PMEL: variants seen among roughly 807,000 people sequenced by gnomAD.
The protein encoded by PMEL is premelanosome protein.
In PMEL, 53 loss-of-function variants were observed where a neutral mutation model predicts 64.9. The observed-to-expected ratio is 0.82, with a 90% CI of 0.66 to 1.03. PMEL has a LOEUF of 1.03. PMEL is among the 50% of genes least tolerant of loss of function. The pLI is 0.00. For missense variants in PMEL, 716 were observed against 814.9 expected, an observed-to-expected ratio of 0.88 and a Z score of 1.48; for synonymous variants, 299 against 316.2, an observed-to-expected ratio of 0.95 and a Z score of 0.58.
At chr12:55,966,558 GA>G (rs1403855324), upstream of PMEL, 1 of 450,080 alleles carries the variant, frequency 2.2e-6, no homozygotes, top group Non-Finnish European at 3.0e-6. Flanking sequence ...TAGAAATCAA[GA>G]AATCCCTACA....
intron 3 of PMEL, among the ~76,000 whole-genome samples, chr12:55,960,577 C>T (rs61627157): frequency 8.0e-6 from 1 of 124,420 alleles, no homozygotes; most frequent in African/African-American, 3.2e-5. Context: ...GAGTCTCGCT[C>T]TGTCGCCCAG....
At chr12:55,954,439 A>G in intron 10 of PMEL, 90 bp from the exon 11 acceptor site, 1 of 1,369,634 alleles carries the variant, frequency 7.3e-7, no homozygotes, top group South Asian at 1.2e-5. Context: ...CCCATATCCC[A>G]GTCTGCTTAG....
At chr12:55,955,925 G>T in intron 7 of PMEL, 62 bp from the exon 8 acceptor site, 1 of 1,448,334 alleles carries the variant, frequency 6.9e-7, no homozygotes, top group Non-Finnish European at 9.7e-7. Flanking sequence ...AAAGCCCAGA[G>T]ACAGAAAAGC....
In PMEL at chr12:55,956,092, G is replaced by T. The variant is rs1388024850; in HGVS notation, c.1471+11C>A. On this transcript the variant is annotated intron_variant, in intron 7 of 10. Transcript: ENST00000548747. ...CTGCCTCCATCAGCCACCAAAGTAG[G>T]CAAGACTCACGGACAATGTCCAGGG... The T allele has an allele frequency of 1.9e-6, 3 of 1,583,136 alleles. No individual in the cohort carries two copies. The highest frequency in any genetic ancestry group is 2.6e-6 in the Non-Finnish European group (3 of 1,151,868).
chr12:55,955,447 CTT>C lies in PMEL; in HGVS notation c.1762+15_1762+16del. 6.2e-7 allele frequency: 1 copy of C among 1,613,832 alleles called. No individual in the cohort carries two copies. Among genetic ancestry groups the C allele is most frequent in the East Asian group, 2.2e-5 (1 of 44,886 alleles). ...ATCCACTCCCTTCCTCATCTTAGCT[CTT>C]GTCCAAGGACCTACCAGGCATGATA... On this transcript the variant is annotated intron_variant, in intron 9 of 10. Coordinates refer to ENST00000548747, the MANE Select transcript of PMEL (RefSeq NM_001384361.1).
intron 3 of PMEL, among the ~76,000 whole-genome samples, chr12:55,959,122 G>A (rs1215732936): frequency 6.6e-6 from 1 of 150,456 alleles, no homozygotes; most frequent in Non-Finnish European, 1.5e-5. Flanking sequence ...GCTCATGGCT[G>A]TAAACCCAGC....
In PMEL at chr12:55,963,639, GC is replaced by G. The variant is rs575593553; in HGVS notation, c.77-1908del. ...TATAAGTACAGTCTTTTTGTTAAGA[GC>G]CTTAGGTGGGTGGGTGTGAACAGAC... On this transcript the variant is annotated intron_variant, in intron 1 of 10. Coordinates refer to ENST00000548747, the MANE Select transcript of PMEL (RefSeq NM_001384361.1). 4.4e-3 allele frequency among the ~76,000 whole-genome samples: 666 copies of G among 152,306 alleles called. 3 individuals carry two copies. Among genetic ancestry groups the G allele is most frequent in the Non-Finnish European group, 7.4e-3 (505 of 68,032 alleles).
chr12:55,956,255 A>G, intron 6 of PMEL, 36 bp from the exon 7 acceptor site: 1 of 1,361,800 alleles, frequency 7.3e-7, no homozygotes, highest in Non-Finnish European at 1.0e-6. Flanking sequence ...AGATCAAGAG[A>G]CAGATGACTC....
rs565494787 is a variant in PMEL at position 55,964,815 on chromosome 12, G to A, written c.76+1121C>T. 1.5e-3 allele frequency among the ~76,000 whole-genome samples: 226 copies of A among 151,362 alleles called. 1 individual carries two copies. Among genetic ancestry groups the A allele is most frequent in the African/African-American group, 5.2e-3 (214 of 41,174 alleles). On this transcript the variant is annotated intron_variant, in intron 1 of 10. Coordinates refer to ENST00000548747, the MANE Select transcript of PMEL (RefSeq NM_001384361.1). ...TAATTTTTGTATTTTTAGTAGAGATGGAGTTTCACCATATTGGCCAGGCTG... is the reference window on the plus strand; with the variant it reads ...TAATTTTTGTATTTTTAGTAGAGATAGAGTTTCACCATATTGGCCAGGCTG...
Position 55,954,348 on chromosome 12 carries a change from G to A in PMEL, c.1852C>T (p.Arg618Cys), listed in dbSNP as rs149844549. The A allele has an allele frequency of 7.4e-6, 12 of 1,613,900 alleles. No homozygotes were observed. Among genetic ancestry groups the A allele is most frequent in the Middle Eastern group, 1.6e-4 (1 of 6,082 alleles). Reference protein sequence around the residue: ...AVVLASLIYRRRLMKQDFSVP... With the variant: ...AVVLASLIYRCRLMKQDFSVP... ...GAGAAGTCTTGCTTCATAAGTCTGC[G>A]CCTGATATTGGGAGAAGGGGTAAAC... Residue 618 changes from arginine to cysteine, a missense_variant and splice_region_variant, in exon 11 of 11, where the codon CGC (arginine) becomes TGC (cysteine). Coordinates refer to ENST00000548747, the MANE Select transcript of PMEL (RefSeq NM_001384361.1).
chr12:55,956,725 A>G (rs918419142), intron 6 of PMEL, among the ~76,000 whole-genome samples: 1 of 152,172 alleles, frequency 6.6e-6, no homozygotes, highest in African/African-American at 2.4e-5. Context: ...GAAAGCAACA[A>G]GCTCTTTCCT....
At chr12:55,961,556 G>C (rs1461484080) in intron 2 of PMEL, 66 bp downstream of exon 2, 11 of 1,593,994 alleles carry the variant, frequency 6.9e-6, no homozygotes, top group Non-Finnish European at 9.5e-6. Flanking sequence ...ACTCGATGCA[G>C]TTCAGCTTGC....
At chr12:55,959,021 C>A (rs182768700) in intron 3 of PMEL, among the ~76,000 whole-genome samples, 1 of 151,034 alleles carries the variant, frequency 6.6e-6, no homozygotes, top group Non-Finnish European at 1.5e-5. Flanking sequence ...CTTAAGCAAT[C>A]CTCCCACCTC....
chr12:55,954,619 C>T (rs1888775717), intron 10 of PMEL, among the ~76,000 whole-genome samples: 1 of 152,160 alleles, frequency 6.6e-6, no homozygotes, highest in Non-Finnish European at 1.5e-5. Context: ...ACTCAGTTCA[C>T]CCCAGGCCAG....
intron 1 of PMEL, among the ~76,000 whole-genome samples, chr12:55,962,516 CTTTTTTTTTTTT>C (rs1161956723): frequency 2.7e-5 from 2 of 73,166 alleles, no homozygotes; most frequent in Admixed American, 2.0e-4. Context: ...TATTATTACT[CTTTTTTTTTTTT>C]TTTTTTTTTT....
chr12:55,965,805 T>G (rs917190527), intron 1 of PMEL, 131 bp downstream of exon 1: 1 of 1,124,570 alleles, frequency 8.9e-7, no homozygotes, highest in African/African-American at 1.5e-5. Flanking sequence ...GGTGCCCACA[T>G]CCTCACTAAA....
chr12:55,956,801 G>T, intron 6 of PMEL, 148 bp downstream of exon 6: 1 of 778,812 alleles, frequency 1.3e-6, no homozygotes, highest in Non-Finnish European at 2.1e-6. Flanking sequence ...AAGAGAGACT[G>T]GAGGGCTTTA....
Position 55,961,797 on chromosome 12 carries a change from A to C in PMEL, c.77-65T>G. ...AGTTCCTTCTCAGGGATAACACTCTATTCATGTCACTCCATTCATTCTCAC... is the reference window on the plus strand; with the variant it reads ...AGTTCCTTCTCAGGGATAACACTCTCTTCATGTCACTCCATTCATTCTCAC... On this transcript the variant is annotated intron_variant, in intron 1 of 10. Transcript: ENST00000548747. 7 of 945,914 alleles carry C rather than the reference A, an allele frequency of 7.4e-6. 1 individual carries two copies. In the South Asian group the frequency reaches 8.1e-5, roughly 11 times the overall value. The allele number at this position is 945,914 out of a possible 1,614,324, so 58.6% of individuals were successfully genotyped here. A position where few individuals can be genotyped will look rare whatever the true frequency, so the allele number is the denominator to read the frequency against.
chr12:55,956,052 C>G (rs11832131), intron 7 of PMEL, 51 bp downstream of exon 7: 1 of 1,313,184 alleles, frequency 7.6e-7, no homozygotes, highest in African/African-American at 1.4e-5. Flanking sequence ...CTGACCAGCC[C>G]TAGGTAGCAC....
Sources: gnomAD v4.1 joint callset for allele counts (sites outside exome capture counted in the v4.1 genomes callset) on GRCh38, gnomAD v4.1.1 for gene constraint, MANE v1.5 for transcripts, NCBI Gene and HGNC (gene_info 2026-07-23, HGNC 2026-07-21) for gene names.